Variants in HERC1 observed in about 807,000 individuals in gnomAD.
HERC1 encodes the protein probable E3 ubiquitin-protein ligase HERC1.
In HERC1, 160 loss-of-function variants were observed where a neutral mutation model predicts 554.3. That is an observed-to-expected ratio of 0.29 (90% CI 0.25 to 0.33). The LOEUF (loss-of-function observed/expected upper bound fraction) is 0.33, where lower values mean the gene tolerates loss of function less well. Ranked by LOEUF, HERC1 falls within the 10% of genes least tolerant of loss-of-function variation. The probability of loss-of-function intolerance (pLI) is 1.00; values close to 1 mark genes in which losing one functional copy is unlikely to be tolerated. For missense variants in HERC1, 4,919 were observed against 5,918.5 expected (o/e 0.83, Z 5.54); for synonymous variants, 2,175 against 2,131.7 (o/e 1.02, Z -0.56).
rs754901303 is a variant in HERC1, at chr15:63,692,383, C to T, written c.5830+28G>A. ...AAAATGCAAGTAATATCTATAAATACTCTAAGACAAAGGCAAAGGACATGT... is the reference window on the plus strand; with the variant it reads ...AAAATGCAAGTAATATCTATAAATATTCTAAGACAAAGGCAAAGGACATGT... On this transcript the variant is annotated intron_variant, in intron 31 of 77. Transcript: ENST00000443617. The surrounding 1 kb of genome is among the most constrained non-coding windows in gnomAD (Gnocchi z 4.7). 6 of 1,554,358 alleles carry T rather than the reference C, an allele frequency of 3.9e-6. No homozygotes were observed. Among genetic ancestry groups the T allele is most frequent in the Non-Finnish European group, 5.2e-6 (6 of 1,151,628 alleles).
intron 1 of HERC1, among the ~76,000 whole-genome samples, chr15:63,826,008 C>T (rs2077889777): frequency 6.6e-6 from 1 of 151,994 alleles, no homozygotes; most frequent in Admixed American, 6.6e-5. Flanking sequence ...GGTGATCCAC[C>T]CACCTCAGCC....
chr15:63,782,987 G>A (rs1241286890), intron 1 of HERC1, among the ~76,000 whole-genome samples: 1 of 152,212 alleles, frequency 6.6e-6, no homozygotes, highest in African/African-American at 2.4e-5. Context: ...CGGATGAGGA[G>A]TTGCTTCTTA....
chr15:63,771,725 G>A (rs563225069), intron 2 of HERC1, among the ~76,000 whole-genome samples: 57 of 151,152 alleles, frequency 3.8e-4, no homozygotes, highest in African/African-American at 1.2e-3. Flanking sequence ...AAGCCACCAC[G>A]CCTGGCCAGC....
chr15:63,817,583 C>T (rs2077534265), intron 1 of HERC1, among the ~76,000 whole-genome samples: 1 of 152,144 alleles, frequency 6.6e-6, no homozygotes. Flanking sequence ...GGCGGGGCAG[C>T]ACATGCCTGT....
At chr15:63,732,805 T>C (rs1315968001) in intron 14 of HERC1, 119 bp downstream of exon 14, 1 of 660,252 alleles carries the variant, frequency 1.5e-6, no homozygotes, top group African/African-American at 1.8e-5. Context: ...GTTTTTCCCC[T>C]TGGGGGAGAG....
Position 63,616,466 on chromosome 15 carries a change from A to G in HERC1, c.13905T>C (p.Ile4635=). 6.2e-7 allele frequency: 1 copy of G among 1,613,946 alleles called. No homozygotes were observed. Among genetic ancestry groups the G allele is most frequent in the Non-Finnish European group, 8.5e-7 (1 of 1,179,880 alleles). The change falls in exon 75 of 78, where the codon ATT becomes ATC. Residue 4635 remains isoleucine, a synonymous_variant. Transcript: ENST00000443617. ...TCTCCTCGGTAATCCCACTGTCTTC[A>G]ATGTGAAGAATGCTGTTGAGAGTCT... The part of the protein sequence containing the change: ...YVQTLNSILH[I]EDSGITEESF...
chr15:63,833,794 A>ACACACACACACACACAC (rs1567176642), intron 1 of HERC1, 33 bp downstream of exon 1: 7 of 137,544 alleles, frequency 5.1e-5, no homozygotes, highest in African/African-American at 2.2e-4. Flanking sequence ...CACACACAGG[A>ACACACACACACACACAC]CCAGGAGGAC....
chr15:63,634,765 C>G lies in HERC1; in HGVS notation c.12538G>C (p.Val4180Leu). ...NTSNKKLPER[V>L]TALEGYQIGQ... is the part of the protein sequence containing the mutation. ...ATCTGATATCCCTCCAGTGCAGTCA[C>G]TCTCTCTGGAAGTTTTTTGTTAGAG... is the stretch of plus-strand genomic sequence containing the variant. Residue 4180 changes from valine (V) to leucine (L), a missense_variant, in exon 66 of 78, where the codon GTG (valine) becomes CTG (leucine). Transcript: ENST00000443617. The G allele has an allele frequency of 6.2e-7, 1 of 1,612,972 alleles. No individual in the cohort carries two copies. Among genetic ancestry groups the G allele is most frequent in the Non-Finnish European group, 8.5e-7 (1 of 1,179,252 alleles).
chr15:63,662,356 T>G (rs989718691), intron 44 of HERC1, among the ~76,000 whole-genome samples: 3 of 152,230 alleles, frequency 2.0e-5, no homozygotes, highest in Non-Finnish European at 4.4e-5. Flanking sequence ...AATTTTCATC[T>G]GGTCACAAAA....
Position 63,663,204 on chromosome 15 carries a change from G to A in HERC1, c.8681C>T (p.Ala2894Val), listed in dbSNP as rs1476597781. The A allele has an allele frequency of 3.1e-6, 5 of 1,606,652 alleles. No individual in the cohort carries two copies. The highest frequency in any genetic ancestry group is 1.1e-5 in the South Asian group (1 of 89,974). ...GGCCTGCACAGAGCGGTATAATCCCGCTCAGAACAAAACAAAAAAGGCATT... is the reference window on the plus strand; with the variant it reads ...GGCCTGCACAGAGCGGTATAATCCCACTCAGAACAAAACAAAAAAGGCATT... ...LAARTLLARAAGLYRSVQAHR... is the reference protein window; with the variant it reads ...LAARTLLARAVGLYRSVQAHR... Residue 2894 changes from alanine (A) to valine (V), a missense_variant and splice_region_variant, in exon 44 of 78, where the codon GCG (alanine) becomes GTG (valine). Around this residue, in one of 11 missense-constraint regions of HERC1, gnomAD observed 1,963 missense variants for 2,228.6 expected, o/e 0.88. Coordinates refer to ENST00000443617, the MANE Select transcript of HERC1 (RefSeq NM_003922.4).
At chr15:63,651,160 G>GCT (rs1300949227) in intron 53 of HERC1, 93 bp downstream of exon 53, 1 of 1,145,630 alleles carries the variant, frequency 8.7e-7, no homozygotes, top group Non-Finnish European at 1.3e-6. Context: ...GAATTTCAAG[G>GCT]TGAAGAGAAA....
intron 16 of HERC1, among the ~76,000 whole-genome samples, chr15:63,728,176 T>C (rs2074114175): frequency 6.6e-6 from 1 of 152,220 alleles, no homozygotes; most frequent in African/African-American, 2.4e-5. Context: ...GAAATATTTA[T>C]TGACATACCA....
In HERC1 at chr15:63,678,239, T is replaced by C. The variant is rs2071301392; in HGVS notation, c.6676A>G (p.Thr2226Ala). ...TIQLIRILHR[T>A]DRWTYCINKK... is the part of the protein sequence containing the mutation. The stretch of plus-strand genomic sequence containing the variant: ...TTAATGCAGTAAGTCCAACGGTCTG[T>C]TCGGTGAAGGATACGGATGAGCTGA... The change falls in exon 37 of 78, where the codon ACA becomes GCA. Residue 2226 changes from threonine to alanine, a missense_variant. By Grantham distance (58) the Thr-to-Ala change is moderately conservative (BLOSUM62 0). Transcript: ENST00000443617. 2 of 1,613,868 alleles carry C rather than the reference T, an allele frequency of 1.2e-6. No homozygotes were observed. The highest frequency in any genetic ancestry group is 2.2e-5 in the South Asian group (2 of 91,066).
chr15:63,763,230 T>C (rs77148449), intron 3 of HERC1, among the ~76,000 whole-genome samples: 4,766 of 152,214 alleles, frequency 0.031, 237 homozygotes, highest in African/African-American at 0.11. Context: ...AAAGAAACGA[T>C]AGAATTAGAA....
chr15:63,632,865 T>C (rs2152809119), intron 67 of HERC1, 54 bp from the exon 68 acceptor site: 1 of 1,232,562 alleles, frequency 8.1e-7, no homozygotes, highest in Non-Finnish European at 1.2e-6. Flanking sequence ...AAATCACTCT[T>C]GAATTTGCCT....
chr15:63,779,131 A>G (rs1002706132), intron 1 of HERC1, among the ~76,000 whole-genome samples: 1 of 152,078 alleles, frequency 6.6e-6, no homozygotes, highest in Non-Finnish European at 1.5e-5. Flanking sequence ...GATAAGAAAA[A>G]AGAATAATAT....
At chr15:63,804,929 G>T (rs1308272500) in intron 1 of HERC1, among the ~76,000 whole-genome samples, 1 of 152,150 alleles carries the variant, frequency 6.6e-6, no homozygotes, top group Non-Finnish European at 1.5e-5. Context: ...TAAAGACACA[G>T]ATAATACTAG....
chr15:63,721,842 T>C (rs1228675463), intron 19 of HERC1, among the ~76,000 whole-genome samples: 1 of 152,126 alleles, frequency 6.6e-6, no homozygotes, highest in Non-Finnish European at 1.5e-5. Flanking sequence ...AATATGTACA[T>C]AAAATTAATT....
intron 39 of HERC1, among the ~76,000 whole-genome samples, chr15:63,670,587 T>C (rs1419840004): frequency 2.6e-5 from 4 of 151,994 alleles, no homozygotes; most frequent in African/African-American, 9.7e-5. Flanking sequence ...ACAGAAGAAA[T>C]GAGGAGTCAT....
Sources: allele counts gnomAD v4.1 joint callset (sites outside exome capture counted in the v4.1 genomes callset), GRCh38; gene constraint gnomAD v4.1.1; regional missense constraint gnomAD v4.1.1; non-coding constraint Gnocchi (gnomAD v3.1); transcripts MANE v1.5; gene names NCBI Gene and HGNC (gene_info 2026-07-23, HGNC 2026-07-21).